Variants in VPS13B observed in about 807,000 individuals in gnomAD.
VPS13B encodes the protein vacuolar protein sorting 13 homolog B.
A neutral mutation model predicts 426.4 loss-of-function variants in VPS13B; 285 were observed. That is an observed-to-expected ratio of 0.67 (90% CI 0.61 to 0.74). The LOEUF (loss-of-function observed/expected upper bound fraction) is 0.74, where lower values mean the gene tolerates loss of function less well. VPS13B is among the 30% of genes least tolerant of loss of function. The probability of loss-of-function intolerance (pLI) is 0.00; values close to 1 mark genes in which losing one functional copy is unlikely to be tolerated. For synonymous variants in VPS13B, 1,676 were observed against 1,676.4 expected (o/e 1.00, Z 0.01); for missense variants, 4,537 against 4,782.6 (o/e 0.95, Z 1.51).
At chr8:99,305,062 A>G (rs1377938969) in intron 19 of VPS13B, among the ~76,000 whole-genome samples, 1 of 152,026 alleles carries the variant, frequency 6.6e-6, no homozygotes, top group Non-Finnish European at 1.5e-5. Flanking sequence ...AAGCTCCCTA[A>G]TTTTCTTCTT....
chr8:99,807,661 A>G (rs1979117), intron 43 of VPS13B, among the ~76,000 whole-genome samples: 16,080 of 151,254 alleles, frequency 0.11, 1,673 homozygotes, highest in African/African-American at 0.27. Context: ...AAAGGTATTT[A>G]CTATCCAGGG....
chr8:99,817,551 TG>T lies in VPS13B; in HGVS notation c.8111del (p.Gly2704GlufsTer13). Reference protein sequence around the residue: ...NGVQKQIIICGRQIICSYLSQ... With the variant: ...NGVQKQIIICXRQIICSYLSQ... ...TAACTGTCTTTTAGATTATCATCTG[TG>T]GAAGACAGATCATCTGTAGTTACTT... is the stretch of plus-strand genomic sequence containing the variant. On this transcript the variant is annotated frameshift_variant, in exon 45 of 62. Transcript: ENST00000357162. LOFTEE classifies it high-confidence loss of function. 1 of 1,614,044 alleles carries T rather than the reference TG, an allele frequency of 6.2e-7. No individual in the cohort carries two copies. The highest frequency in any genetic ancestry group is 8.5e-7 in the Non-Finnish European group (1 of 1,179,954).
intron 19 of VPS13B, among the ~76,000 whole-genome samples, chr8:99,300,754 A>G (rs946571916): frequency 6.6e-6 from 1 of 152,020 alleles, no homozygotes; most frequent in Non-Finnish European, 1.5e-5. Flanking sequence ...CAGCTATATC[A>G]TTTATTAGGT....
intron 19 of VPS13B, among the ~76,000 whole-genome samples, chr8:99,307,939 G>C (rs7819840): frequency 0.25 from 38,700 of 151,804 alleles, 6,019 homozygotes; most frequent in South Asian, 0.46. Context: ...CCTAGGTTTT[G>C]GTATGTTGTG....
chr8:99,164,844 CTCTG>C (rs968099889), intron 15 of VPS13B, among the ~76,000 whole-genome samples: 6 of 152,096 alleles, frequency 3.9e-5, no homozygotes, highest in Non-Finnish European at 7.4e-5. Context: ...CTCTTCCTCT[CTCTG>C]TCTTTTTGAC....
At chr8:99,842,184 G>A (rs1815728526) in intron 54 of VPS13B, among the ~76,000 whole-genome samples, 1 of 152,126 alleles carries the variant, frequency 6.6e-6, no homozygotes, top group African/African-American at 2.4e-5. Flanking sequence ...GATATTTTTT[G>A]TAAGAAATGA....
At chr8:99,463,419 CTT>C (rs1178233124) in intron 23 of VPS13B, among the ~76,000 whole-genome samples, 2 of 152,154 alleles carry the variant, frequency 1.3e-5, no homozygotes, top group Admixed American at 6.5e-5. Context: ...TCAATTATCT[CTT>C]AATACTATTA....
chr8:99,577,662 T>TA (rs1348096727), intron 33 of VPS13B, 29 bp downstream of exon 33: 3 of 1,611,978 alleles, frequency 1.9e-6, no homozygotes, highest in Non-Finnish European at 2.5e-6. Flanking sequence ...TGATCAGGCT[T>TA]ACTGCATTTG....
chr8:99,121,185 G>A lies in VPS13B; in HGVS notation c.946G>A (p.Asp316Asn), dbSNP rs781089780. The A allele has an allele frequency of 6.2e-7, 1 of 1,613,308 alleles. No homozygotes were observed. Among genetic ancestry groups the A allele is most frequent in the Non-Finnish European group, 8.5e-7 (1 of 1,179,682 alleles). The change falls in exon 8 of 62, where the codon GAT becomes AAT. Residue 316 changes from aspartate to asparagine, a missense_variant. Around this residue, in one of 2 missense-constraint regions of VPS13B, gnomAD observed 4,311 missense variants for 4,474.3 expected, o/e 0.96. Transcript: ENST00000357162. ...DMLGNITGSE[D>N]ETRIDMQYPA... is the part of the protein sequence containing the mutation. ...TTAATTTTAATTGATAGGTTCTGAA[G>A]ATGAAACAAGAATAGATATGCAATA...
rs149668214 is a variant in VPS13B, at chr8:99,845,891, C to T, written c.9943-2885C>T. ...CTTATTCACAATAGCAGGCAGTGGACCAGATTTGGCCCACCACTGAGCTGT... is the reference window on the plus strand; with the variant it reads ...CTTATTCACAATAGCAGGCAGTGGATCAGATTTGGCCCACCACTGAGCTGT... On this transcript the variant is annotated intron_variant, in intron 54 of 61. Transcript: ENST00000357162. 4.6e-5 allele frequency among the ~76,000 whole-genome samples: 7 copies of T among 152,134 alleles called. No homozygotes were observed. The East Asian group carries it at 1.3e-3, about 29-fold the overall frequency.
intron 21 of VPS13B, among the ~76,000 whole-genome samples, chr8:99,394,698 G>A (rs1357672319): frequency 6.6e-6 from 1 of 152,098 alleles, no homozygotes; most frequent in Non-Finnish European, 1.5e-5. Flanking sequence ...TGATGGAGAT[G>A]AAAACTTAAC....
At chr8:99,364,395 A>G (rs1157609153) in intron 19 of VPS13B, among the ~76,000 whole-genome samples, 2 of 152,012 alleles carry the variant, frequency 1.3e-5, no homozygotes, top group Non-Finnish European at 2.9e-5. Context: ...GGATTTTTCC[A>G]TCAATTTTCA....
chr8:99,451,724 G>A (rs750724094), intron 23 of VPS13B, among the ~76,000 whole-genome samples: 20 of 152,058 alleles, frequency 1.3e-4, no homozygotes, highest in South Asian at 2.1e-4. Context: ...CTCTATCTCC[G>A]TAATAGGCTT....
intron 29 of VPS13B, among the ~76,000 whole-genome samples, chr8:99,520,192 G>T (rs1463552160): frequency 1.3e-5 from 2 of 152,042 alleles, no homozygotes; most frequent in East Asian, 3.8e-4. Flanking sequence ...TCATTAGGAG[G>T]TAGAACTTTT....
Position 99,192,916 on chromosome 8 carries a change from G to A in VPS13B, c.2374G>A (p.Glu792Lys). Residue 792 changes from glutamate to lysine, a missense_variant, in exon 17 of 62, where the codon GAA (glutamate) becomes AAA (lysine). This residue lies in a region of VPS13B where 4,311 missense variants were observed against 4,474.3 expected (regional missense o/e 0.96). Transcript: ENST00000357162. Reference sequence around the variant, plus strand: ...GATTGCTATAACTGAAGGTATATTTGAACTTCCAAATCTCACAATTCAAGC... The same window carrying A: ...GATTGCTATAACTGAAGGTATATTTAAACTTCCAAATCTCACAATTCAAGC... ...SQIAITEGIF[E>K]LPNLTIQATR... The A allele has an allele frequency of 1.2e-6, 2 of 1,613,380 alleles. No individual in the cohort carries two copies. The highest frequency in any genetic ancestry group is 1.7e-6 in the Non-Finnish European group (2 of 1,179,766).
chr8:99,502,853 G>A lies in VPS13B; in HGVS notation c.4060G>A (p.Glu1354Lys), dbSNP rs2133613311. ...NKGTEVCMVS[E>K]LEDLSASIDV... ...TATTGCAGAGGTTTGTATGGTCAGT[G>A]AACTAGAAGATCTCAGTGCTTCCAT... The change falls in exon 27 of 62, where the codon GAA becomes AAA. Residue 1354 changes from glutamate (E) to lysine (K), a missense_variant. Glu to Lys is a moderately conservative substitution (Grantham distance 56). Transcript: ENST00000357162. 6.2e-7 allele frequency: 1 copy of A among 1,612,994 alleles called. No homozygotes were observed. The highest frequency in any genetic ancestry group is 1.7e-5 in the Admixed American group (1 of 60,008).
intron 17 of VPS13B, among the ~76,000 whole-genome samples, chr8:99,250,475 T>A (rs116287430): frequency 1.3e-5 from 2 of 152,244 alleles, no homozygotes; most frequent in African/African-American, 4.8e-5. Flanking sequence ...TTTTCTGACT[T>A]AATTTTTTTA....
At chr8:99,793,754 T>C (rs981749943) in intron 43 of VPS13B, among the ~76,000 whole-genome samples, 2 of 152,068 alleles carry the variant, frequency 1.3e-5, no homozygotes, top group African/African-American at 4.8e-5. Flanking sequence ...CACATTGAAT[T>C]TTAGGCTGCT....
intron 35 of VPS13B, among the ~76,000 whole-genome samples, chr8:99,672,012 T>C (rs971000331): frequency 2.0e-5 from 3 of 152,192 alleles, no homozygotes; most frequent in African/African-American, 7.2e-5. Flanking sequence ...CTATACTGTT[T>C]TGGTTATAGT....
Sources: allele counts gnomAD v4.1 joint callset (sites outside exome capture counted in the v4.1 genomes callset), GRCh38; gene constraint gnomAD v4.1.1; regional missense constraint gnomAD v4.1.1; transcripts MANE v1.5; gene names NCBI Gene and HGNC (gene_info 2026-07-23, HGNC 2026-07-21).